The following GSG1 variants were observed in gnomAD, a reference collection of about 807,000 sequenced individuals.
The protein encoded by GSG1 is germ cell associated 1, also known as germ cell-specific gene 1 protein.
GSG1 carries 28 observed loss-of-function variants against 30.8 expected under a neutral mutation model. The ratio of observed to expected loss-of-function variants is 0.91; its 90% CI spans 0.67 to 1.25. The LOEUF (loss-of-function observed/expected upper bound fraction) is 1.25. Ranked by LOEUF, GSG1 falls within the 50% of genes most tolerant of loss-of-function variation. The pLI is 0.00. For synonymous variants in GSG1, 162 were observed against 178.0 expected (o/e 0.91, Z 0.71); for missense variants, 435 against 444.7 (o/e 0.98, Z 0.20).
At position 13,103,607 on chromosome 12, in the gene GSG1, C is replaced by G; in HGVS notation, c.-95G>C. 1 of 1,350,042 alleles carries G rather than the reference C, an allele frequency of 7.4e-7. No individual in the cohort carries two copies. Among genetic ancestry groups the G allele is most frequent in the Non-Finnish European group, 1.1e-6 (1 of 946,154 alleles). 83.6% of individuals were successfully genotyped at this position (1,350,042 alleles called of 1,614,324 possible). A position where few individuals can be genotyped will look rare whatever the true frequency, so the allele number is the denominator to read the frequency against. Reference sequence around the variant, plus strand: ...ATGAGTGTTTAGCGTGAGGATGAATCAGGTCCCCTCTTGCCAGCAGAGGGG... The same window carrying G: ...ATGAGTGTTTAGCGTGAGGATGAATGAGGTCCCCTCTTGCCAGCAGAGGGG... On this transcript the variant is annotated 5_prime_UTR_variant, in exon 1 of 7. Transcript: ENST00000651961.
At chr12:13,100,646 C>T (rs565822320) in intron 1 of GSG1, among the ~76,000 whole-genome samples, 1 of 152,340 alleles carries the variant, frequency 6.6e-6, no homozygotes, top group East Asian at 1.9e-4. Flanking sequence ...GCAATGTTTA[C>T]ATCAGTGCCT....
chr12:13,103,428 T>G, intron 1 of GSG1, 37 bp downstream of exon 1: 89 of 1,439,572 alleles, frequency 6.2e-5, no homozygotes, highest in Non-Finnish European at 7.7e-5. Flanking sequence ...GATATGTGTA[T>G]GAGATGTTCA....
intron 1 of GSG1, among the ~76,000 whole-genome samples, chr12:13,102,856 G>C (rs138442460): frequency 6.6e-6 from 1 of 152,214 alleles, no homozygotes; most frequent in Non-Finnish European, 1.5e-5. Flanking sequence ...TAAACAAGCC[G>C]CAACTTCTCT....
At position 13,085,666 on chromosome 12, in the gene GSG1, A is replaced by G. The variant is rs568013470; in HGVS notation, c.747-423T>C. Among the ~76,000 whole-genome samples the G allele has an allele frequency of 3.3e-5, 5 of 151,744 alleles. No homozygotes were observed. In the East Asian group the frequency reaches 9.7e-4, roughly 29 times the overall value. On this transcript the variant is annotated intron_variant, in intron 6 of 6. Transcript: ENST00000651961. Reference sequence around the variant, plus strand: ...TGCATACCCTCCCTCTCCCACCCCAACACACACACACATGCCCTGCCAAAG... The same window carrying G: ...TGCATACCCTCCCTCTCCCACCCCAGCACACACACACATGCCCTGCCAAAG...
rs972920985 is a variant in GSG1 at position 13,084,081 on chromosome 12, C to T, written c.*820G>A. The T allele has an allele frequency of 1.3e-5, 2 of 151,876 alleles. No homozygotes were observed. The highest frequency in any genetic ancestry group is 4.8e-5 in the African/African-American group (2 of 41,340). 9.4% of individuals were successfully genotyped at this position (151,876 alleles called of 1,614,324 possible). On this transcript the variant is annotated 3_prime_UTR_variant, in exon 7 of 7. Coordinates refer to ENST00000651961, the MANE Select transcript of GSG1 (RefSeq NM_001080555.4). ...GGGATGGCTGGGTCAAATGGTATTTCTAGGTCTAGATTCTTGAGGAATCAG... is the reference window on the plus strand; with the variant it reads ...GGGATGGCTGGGTCAAATGGTATTTTTAGGTCTAGATTCTTGAGGAATCAG...
chr12:13,094,352 T>C (rs988761365), intron 1 of GSG1, among the ~76,000 whole-genome samples: 5 of 152,186 alleles, frequency 3.3e-5, no homozygotes, highest in African/African-American at 1.2e-4. Flanking sequence ...AAAGACAACT[T>C]CTGAAAAGCA....
chr12:13,085,189 G>A lies in GSG1; in HGVS notation c.801C>T (p.Asn267=), dbSNP rs1288041678. 2 of 1,613,548 alleles carry A rather than the reference G, an allele frequency of 1.2e-6. No individual in the cohort carries two copies. The highest frequency in any genetic ancestry group is 2.2e-5 in the East Asian group (1 of 44,880). The part of the protein sequence containing the change: ...CCMASAVTTF[N]TYTRMVLEFK... ...ACTCCAGCACCATCCTGGTGTACGT[G>A]TTGAAGGTGGTGACAGCCGACGCCA... The change falls in exon 7 of 7, where the codon AAC becomes AAT. Residue 267 remains asparagine, a synonymous_variant. Transcript: ENST00000651961.
At chr12:13,091,697 T>C (rs866507328) in intron 1 of GSG1, among the ~76,000 whole-genome samples, 11 of 152,302 alleles carry the variant, frequency 7.2e-5, no homozygotes, top group Middle Eastern at 3.4e-3. Flanking sequence ...GGGCTATCTG[T>C]CTCTAAAAAA....
intron 1 of GSG1, 48 bp from the exon 2 acceptor site, chr12:13,090,866 A>G (rs1866045270): frequency 1.3e-6 from 2 of 1,508,922 alleles, no homozygotes; most frequent in African/African-American, 2.8e-5. Context: ...GGGGAGCTTG[A>G]CTCAGAGCCG....
chr12:13,099,752 T>TTTTTTTTG (rs1565551072), intron 1 of GSG1, among the ~76,000 whole-genome samples: 3 of 105,962 alleles, frequency 2.8e-5, no homozygotes, highest in African/African-American at 1.9e-4. Flanking sequence ...TTTTTTTTGT[T>TTTTTTTTG]TTTTTTTTTT....
intron 1 of GSG1, among the ~76,000 whole-genome samples, chr12:13,094,301 C>G (rs1866449365): frequency 6.6e-6 from 1 of 152,150 alleles, no homozygotes; most frequent in Non-Finnish European, 1.5e-5. Flanking sequence ...AAGAAATACA[C>G]AAAGATCATA....
rs1287048087 is a variant in GSG1 at position 13,090,700 on chromosome 12, T to G, written c.167A>C (p.Gln56Pro). 1 of 1,614,212 alleles carries G rather than the reference T, an allele frequency of 6.2e-7. No individual in the cohort carries two copies. The highest frequency in any genetic ancestry group is 8.5e-7 in the Non-Finnish European group (1 of 1,180,012). The change falls in exon 2 of 7, where the codon CAG becomes CCG. Residue 56 changes from glutamine (Q) to proline (P), a missense_variant. Transcript: ENST00000651961. ...CTCGCACAGGGGCTTGGGCACCTTC[T>G]GTGTGCCCACAAACCAGTAGTTGCT... ...LLSNYWFVGT[Q>P]KVPKPLCEKG...
At chr12:13,092,539 G>A (rs544145425) in intron 1 of GSG1, among the ~76,000 whole-genome samples, 2 of 152,312 alleles carry the variant, frequency 1.3e-5, no homozygotes, top group Admixed American at 1.3e-4. Flanking sequence ...GGGCTTCAAG[G>A]ACTGTGGTGT....
chr12:13,090,115 A>G (rs1252788457), intron 2 of GSG1, among the ~76,000 whole-genome samples: 4 of 152,210 alleles, frequency 2.6e-5, no homozygotes, highest in Non-Finnish European at 4.4e-5. Context: ...GCTTTCCTAC[A>G]ATATTCCTCT....
rs1204911430 is a variant in GSG1 at position 13,093,811 on chromosome 12, C to A, written c.49-2993G>T. On this transcript the variant is annotated intron_variant, in intron 1 of 6. Coordinates refer to ENST00000651961, the MANE Select transcript of GSG1 (RefSeq NM_001080555.4). This position sits in a 1 kb window ranked among gnomAD's most constrained non-coding sequence, Gnocchi z 4.6. ...CCCCAGATGGCTCTGGCAGGAGCCC[C>A]TACTCTCCATGTCATTTTCAGCCTA... Among the ~76,000 whole-genome samples the A allele has an allele frequency of 3.3e-5, 5 of 152,182 alleles. No homozygotes were observed. The highest frequency in any genetic ancestry group is 3.3e-4 in the Admixed American group (5 of 15,270).
intron 1 of GSG1, among the ~76,000 whole-genome samples, chr12:13,099,785 A>G (rs996612370): frequency 1.9e-5 from 2 of 103,416 alleles, no homozygotes; most frequent in Non-Finnish European, 3.7e-5. Flanking sequence ...TCTTCATGTC[A>G]TCCATACTGG....
chr12:13,092,096 G>T (rs1259963335), intron 1 of GSG1, among the ~76,000 whole-genome samples: 1 of 152,244 alleles, frequency 6.6e-6, no homozygotes, highest in Non-Finnish European at 1.5e-5. Context: ...TAGGATAAAG[G>T]TGATCCACCA....
chr12:13,086,912 C>A (rs1231142387), intron 6 of GSG1, among the ~76,000 whole-genome samples: 5 of 152,140 alleles, frequency 3.3e-5, no homozygotes, highest in African/African-American at 1.2e-4. Flanking sequence ...AGCTGATGAG[C>A]AGGAAAACTG....
At chr12:13,088,588 A>C in intron 4 of GSG1, 1 of 678,694 alleles carries the variant, frequency 1.5e-6, no homozygotes, top group Non-Finnish European at 2.5e-6. Context: ...CTGTTTTTGC[A>C]TTCCTGCATA....
Sources: gnomAD v4.1 joint callset for allele counts (sites outside exome capture counted in the v4.1 genomes callset) on GRCh38, gnomAD v4.1.1 for gene constraint, Gnocchi (gnomAD v3.1) non-coding constraint, MANE v1.5 for transcripts, NCBI Gene and HGNC (gene_info 2026-07-23, HGNC 2026-07-21) for gene names.